ADPRHL1: variants seen among roughly 807,000 people sequenced by gnomAD.
ADPRHL1 encodes the protein ADP-ribosylhydrolase like 1.
Under a neutral mutation model 44.1 loss-of-function variants are expected in ADPRHL1, and 43 were observed. The ratio of observed to expected loss-of-function variants is 0.98; its 90% CI spans 0.76 to 1.26. The LOEUF is 1.26. Among genes scored for constraint, ADPRHL1 ranks in the 50% most tolerant of loss-of-function variants. The pLI is 0.00. For missense variants in ADPRHL1, 2,022 were observed against 2,496.9 expected (o/e 0.81, Z 4.05); for synonymous variants, 878 against 1,017.4 (o/e 0.86, Z 2.61).
rs778727540 is a variant in ADPRHL1 at position 113,428,955 on chromosome 13, C to G, written c.643G>C (p.Ala215Pro). ...EYCRKTIRHT[A>P]EYQEHWFYFE... is the part of the protein sequence containing the mutation. Reference sequence around the variant, plus strand: ...TGGGGCCGGGGGAGCGGCTCACCTGCCGTGTGCCGGATGGTCTTCCTGCAG... The same window carrying G: ...TGGGGCCGGGGGAGCGGCTCACCTGGCGTGTGCCGGATGGTCTTCCTGCAG... Residue 215 changes from alanine (A) to proline (P), a missense_variant, in exon 4 of 8, where the codon GCA becomes CCA. Coordinates refer to ENST00000612156, the MANE Select transcript of ADPRHL1 (RefSeq NM_001394807.1). 48 of 1,612,366 alleles carry G rather than the reference C, an allele frequency of 3.0e-5. No homozygotes were observed. The South Asian group carries it at 5.2e-4, about 17-fold the overall frequency.
intron 3 of ADPRHL1, 120 bp downstream of exon 3, chr13:113,433,622 G>C: frequency 6.8e-7 from 1 of 1,464,340 alleles, no homozygotes; most frequent in Non-Finnish European, 9.1e-7. Context: ...TTAAGCAGAC[G>C]TGCAGATGGC....
intron 3 of ADPRHL1, 97 bp downstream of exon 3, chr13:113,433,645 C>A (rs2044023062): frequency 6.8e-7 from 1 of 1,460,304 alleles, no homozygotes; most frequent in Non-Finnish European, 9.1e-7. Flanking sequence ...CAGCTCCAGG[C>A]CCCCGCCCCC....
intron 1 of ADPRHL1, among the ~76,000 whole-genome samples, chr13:113,450,308 CTT>C (rs2044170079): frequency 6.6e-6 from 1 of 152,126 alleles, no homozygotes; most frequent in Admixed American, 6.5e-5. Flanking sequence ...GAAATTTCGA[CTT>C]TGATTTTTAG....
At chr13:113,422,042 C>T (rs2043927573) in intron 7 of ADPRHL1, 1 of 152,258 alleles carries the variant, frequency 6.6e-6, no homozygotes, top group Non-Finnish European at 1.5e-5. Flanking sequence ...TTCCAAGACT[C>T]TCTGAGAGAG....
chr13:113,434,804 C>T lies in ADPRHL1; in HGVS notation c.380-937G>A, dbSNP rs1186072866. ...GTGAACATAGGTGTACCCCAGGACC[C>T]GGCACCCATGCATAGAGTGAACATA... On this transcript the variant is annotated intron_variant, in intron 2 of 7. Transcript: ENST00000612156. Among the ~76,000 whole-genome samples the T allele has an allele frequency of 2.0e-5, 2 of 102,454 alleles. 1 individual carries two copies. Among genetic ancestry groups the T allele is most frequent in the African/African-American group, 8.0e-5 (2 of 25,016 alleles). 67.2% of individuals were successfully genotyped at this position (102,454 alleles called of 152,430 possible).
rs1231123864 is a variant in ADPRHL1 at position 113,453,423 on chromosome 13, C to T, written c.15G>A (p.Lys5=). 3 of 1,614,032 alleles carry T rather than the reference C, an allele frequency of 1.9e-6. No individual in the cohort carries two copies. In the East Asian group the frequency reaches 6.7e-5, roughly 36 times the overall value. ...CGACGCTCCCCAGCAACATCGCAGC[C>T]TTAAATTTCTCCATCCCAGGAGGCA... MEKF[K]AAMLLGSVGD... is the part of the protein sequence containing the mutation. The change falls in exon 1 of 8, where the codon AAG becomes AAA. Residue 5 remains lysine (K), a synonymous_variant. Transcript: ENST00000612156. This position sits in a 1 kb window ranked among gnomAD's most constrained non-coding sequence, Gnocchi z 5.4.
At chr13:113,414,461 C>T (rs904858919) in intron 7 of ADPRHL1, among the ~76,000 whole-genome samples, 1 of 148,466 alleles carries the variant, frequency 6.7e-6, no homozygotes, top group Non-Finnish European at 1.5e-5. Context: ...TGCGGCTCAG[C>T]CCCCGGCTTC....
chr13:113,414,771 G>A (rs2043878986), intron 7 of ADPRHL1, among the ~76,000 whole-genome samples: 1 of 151,874 alleles, frequency 6.6e-6, no homozygotes, highest in African/African-American at 2.4e-5. Flanking sequence ...CGCCTCCCGG[G>A]TTCAAGCCAT....
rs2043781673 is a variant in ADPRHL1, at chr13:113,403,765, T to G, written c.5517A>C (p.Arg1839Ser). Residue 1839 changes from arginine to serine, a missense_variant, in exon 8 of 8, where the codon AGA (arginine) becomes AGC (serine). Physicochemically the swap from Arg to Ser is moderately radical, Grantham distance 110 (BLOSUM62 -1). This residue lies in a region of ADPRHL1 where 205 missense variants were observed against 250.1 expected (regional missense o/e 0.82). Coordinates refer to ENST00000612156, the MANE Select transcript of ADPRHL1 (RefSeq NM_001394807.1). ...GTCCACCATCCCTGGGGGCTGGGCT[T>G]CTGGACCCCCCACTCCTGCCAGCAG... is the stretch of plus-strand genomic sequence containing the variant. ...VDAAGRSGGS[R>S]SPAPRDGGQS... 1 of 1,232,858 alleles carries G rather than the reference T, an allele frequency of 8.1e-7. No individual in the cohort carries two copies. The highest frequency in any genetic ancestry group is 1.0e-6 in the Non-Finnish European group (1 of 988,894). 76.4% of individuals were successfully genotyped at this position (1,232,858 alleles called of 1,614,324 possible). A position where few individuals can be genotyped will look rare whatever the true frequency, so the allele number is the denominator to read the frequency against.
At chr13:113,419,675 C>A (rs2043905982) in intron 7 of ADPRHL1, among the ~76,000 whole-genome samples, 1 of 152,068 alleles carries the variant, frequency 6.6e-6, no homozygotes, top group Non-Finnish European at 1.5e-5. Context: ...AGAGCCACAT[C>A]CATGGGGTAT....
intron 3 of ADPRHL1, among the ~76,000 whole-genome samples, chr13:113,430,262 T>C (rs1017173548): frequency 1.3e-5 from 2 of 152,148 alleles, no homozygotes; most frequent in Non-Finnish European, 2.9e-5. Flanking sequence ...AGGCTAACAA[T>C]GCCCAGGGCT....
intron 3 of ADPRHL1, among the ~76,000 whole-genome samples, chr13:113,432,014 G>A (rs1381356763): frequency 6.6e-6 from 1 of 152,158 alleles, no homozygotes; most frequent in Non-Finnish European, 1.5e-5. Context: ...CACCGCGCCT[G>A]GCCGTGAAAT....
rs948396177 is a variant in ADPRHL1 at position 113,433,625 on chromosome 13, C to T, written c.505+117G>A. 1.9e-5 allele frequency: 28 copies of T among 1,467,510 alleles called. No individual in the cohort carries two copies. In the African/African-American group the frequency reaches 3.5e-4, roughly 18 times the overall value. The allele number at this position is 1,467,510 out of a possible 1,614,324, so 90.9% of individuals were successfully genotyped here. On this transcript the variant is annotated intron_variant, in intron 3 of 7. Transcript: ENST00000612156. ...CTTCTGTCTCCTTTAAGCAGACGTG[C>T]AGATGGCGGCAGCTCCAGGCCCCCG...
chr13:113,406,345 G>A lies in ADPRHL1; in HGVS notation c.2937C>T (p.Thr979=), dbSNP rs982229415. The A allele has an allele frequency of 8.1e-7, 1 of 1,232,112 alleles. No homozygotes were observed. Among genetic ancestry groups the A allele is most frequent in the Non-Finnish European group, 1.0e-6 (1 of 987,980 alleles). 76.3% of individuals were successfully genotyped at this position (1,232,112 alleles called of 1,614,324 possible). Residue 979 remains threonine (T), a synonymous_variant, in exon 8 of 8, where the codon ACC becomes ACT. Coordinates refer to ENST00000612156, the MANE Select transcript of ADPRHL1 (RefSeq NM_001394807.1). The part of the protein sequence containing the change: ...RNPDDISGER[T]SELRDVKHPL... Reference sequence around the variant, plus strand: ...GATGCTTCACATCTCTGAGCTCAGAGGTCCTCTCTCCTGAAATATCGTCAG... The same window carrying A: ...GATGCTTCACATCTCTGAGCTCAGAAGTCCTCTCTCCTGAAATATCGTCAG...
Position 113,422,923 on chromosome 13 carries a change from G to C in ADPRHL1, c.964C>G (p.Leu322Val). Residue 322 changes from leucine (L) to valine (V), a missense_variant, in exon 7 of 8, where the codon CTG becomes GTG. By Grantham distance (32) the Leu-to-Val change is conservative (BLOSUM62 1). Transcript: ENST00000612156. ...TACAAGCCTTTGGGAACGAGGTCCA[G>C]GCCGTACAGCAACCCGAACAGGCAG... ...AGCLFGLLYG[L>V]DLVPKGLYQD... 6.2e-7 allele frequency: 1 copy of C among 1,612,968 alleles called. No homozygotes were observed. Among genetic ancestry groups the C allele is most frequent in the Non-Finnish European group, 8.5e-7 (1 of 1,179,992 alleles).
At chr13:113,432,162 C>T (rs974654730) in intron 3 of ADPRHL1, among the ~76,000 whole-genome samples, 9 of 151,894 alleles carry the variant, frequency 5.9e-5, no homozygotes, top group Non-Finnish European at 1.0e-4. Flanking sequence ...CTCGCCCTGT[C>T]GCCCAGGCTG....
intron 1 of ADPRHL1, chr13:113,449,378 C>A (rs2044164418): frequency 2.2e-5 from 6 of 267,910 alleles, no homozygotes; most frequent in Non-Finnish European, 3.5e-5. Context: ...AAGGAGGGAC[C>A]CTGTTCAGAG....
chr13:113,423,032 C>T lies in ADPRHL1; in HGVS notation c.908-53G>A, dbSNP rs2043938231. 4 of 1,607,674 alleles carry T rather than the reference C, an allele frequency of 2.5e-6. No individual in the cohort carries two copies. In the South Asian group the frequency reaches 3.3e-5, roughly 13 times the overall value. The stretch of plus-strand genomic sequence containing the variant: ...GGGCTCCACCTGACCAGGGCCTCTG[C>T]AAGACCCCTGGGGCTGGCCGCCCCT... On this transcript the variant is annotated intron_variant, in intron 6 of 7. Coordinates refer to ENST00000612156, the MANE Select transcript of ADPRHL1 (RefSeq NM_001394807.1).
At chr13:113,416,101 C>T (rs551085439) in intron 7 of ADPRHL1, among the ~76,000 whole-genome samples, 6 of 151,606 alleles carry the variant, frequency 4.0e-5, no homozygotes, top group East Asian at 3.9e-4. Flanking sequence ...ATCATTGCAA[C>T]GGTCACCGTC....
Sources: gnomAD v4.1 joint callset for allele counts (sites outside exome capture counted in the v4.1 genomes callset) on GRCh38, gnomAD v4.1.1 for gene constraint, gnomAD v4.1.1 regional missense constraint, Gnocchi (gnomAD v3.1) non-coding constraint, MANE v1.5 for transcripts, NCBI Gene and HGNC (gene_info 2026-07-23, HGNC 2026-07-21) for gene names.